PARD3B: variants seen among roughly 807,000 people sequenced by gnomAD.
PARD3B encodes partitioning defective 3 homolog B.
Under a neutral mutation model 130.2 loss-of-function variants are expected in PARD3B, and 103 were observed. The ratio of observed to expected loss-of-function variants is 0.79; its 90% confidence interval spans 0.67 to 0.93. PARD3B has a LOEUF of 0.93. PARD3B is among the 40% of genes least tolerant of loss of function. The probability of loss-of-function intolerance (pLI) is 0.00; values close to 1 mark genes in which losing one functional copy is unlikely to be tolerated. For missense variants in PARD3B, 1,609 were observed against 1,499.2 expected (o/e 1.07, Z -1.21); for synonymous variants, 583 against 553.2 (o/e 1.05, Z -0.76).
At chr2:205,450,125 T>A (rs1242556635) in intron 20 of PARD3B, among the ~76,000 whole-genome samples, 1 of 152,202 alleles carries the variant, frequency 6.6e-6, no homozygotes, top group Non-Finnish European at 1.5e-5. Flanking sequence ...ATCATTTCAG[T>A]GTTAGGCTCA....
At position 204,890,132 on chromosome 2, in the gene PARD3B, G is replaced by A. The variant is rs1246026468; in HGVS notation, c.223-75020G>A. On this transcript the variant is annotated intron_variant, in intron 2 of 22. Transcript: ENST00000406610. This position sits in a 1 kb window ranked among gnomAD's most constrained non-coding sequence, Gnocchi z 4.9. ...CTGCTTTGCCTTCTCCGCCTTCTCC[G>A]CATGCCAGCAGGAGCACTCACCACA... 2.0e-5 allele frequency among the ~76,000 whole-genome samples: 3 copies of A among 152,146 alleles called. No individual in the cohort carries two copies. The highest frequency in any genetic ancestry group is 4.1e-4 in the South Asian group (2 of 4,834).
chr2:205,189,619 G>A (rs1044493040), intron 14 of PARD3B, among the ~76,000 whole-genome samples: 2 of 152,124 alleles, frequency 1.3e-5, no homozygotes, highest in African/African-American at 4.8e-5. Context: ...TAATCATTGT[G>A]TCACCCTCTT....
At chr2:205,523,468 T>C (rs2051184888) in intron 21 of PARD3B, among the ~76,000 whole-genome samples, 1 of 151,876 alleles carries the variant, frequency 6.6e-6, no homozygotes, top group Non-Finnish European at 1.5e-5. Flanking sequence ...GGTCGTACCA[T>C]ATTTTCTTTG....
chr2:205,093,449 A>G (rs1702227298), intron 4 of PARD3B, among the ~76,000 whole-genome samples: 1 of 152,110 alleles, frequency 6.6e-6, no homozygotes, highest in Admixed American at 6.6e-5. Context: ...ACATGGCATG[A>G]AAGTGGCACT....
intron 2 of PARD3B, among the ~76,000 whole-genome samples, chr2:204,821,696 TAATA>T (rs2043362406): frequency 6.6e-6 from 1 of 150,664 alleles, no homozygotes; most frequent in South Asian, 2.1e-4. Context: ...AGTATAATAA[TAATA>T]AAATAAAAAA....
intron 2 of PARD3B, among the ~76,000 whole-genome samples, chr2:204,723,282 A>C (rs1001359597): frequency 6.6e-6 from 1 of 152,162 alleles, no homozygotes; most frequent in African/African-American, 2.4e-5. Flanking sequence ...AATGAAATTG[A>C]TACATTTATG....
intron 1 of PARD3B, among the ~76,000 whole-genome samples, chr2:204,595,002 ATCATGGG>A (rs2033225134): frequency 6.6e-6 from 1 of 152,184 alleles, no homozygotes; most frequent in South Asian, 2.1e-4. Context: ...GTTCCTTAGC[ATCATGGG>A]TCTACTTTAT....
At chr2:204,933,440 G>A (rs982176526) in intron 2 of PARD3B, among the ~76,000 whole-genome samples, 1 of 152,132 alleles carries the variant, frequency 6.6e-6, no homozygotes, top group Non-Finnish European at 1.5e-5. Context: ...CTAATGAAGT[G>A]TGGCTTTATT....
intron 19 of PARD3B, among the ~76,000 whole-genome samples, chr2:205,427,452 T>C (rs1195054126): frequency 6.6e-6 from 1 of 152,366 alleles, no homozygotes; most frequent in East Asian, 1.9e-4. Flanking sequence ...GAAAGATATC[T>C]AAAGAAATTG....
At position 205,473,431 on chromosome 2, in the gene PARD3B, T is replaced by C. The variant is rs1413740161; in HGVS notation, c.3045-26465T>C. ...ACATCTTGTCTCAGCCCATTGTGTCTAAATGTTAACTCTCTTATTAAGCTC... is the reference window on the plus strand; with the variant it reads ...ACATCTTGTCTCAGCCCATTGTGTCCAAATGTTAACTCTCTTATTAAGCTC... On this transcript the variant is annotated intron_variant, in intron 20 of 22. Transcript: ENST00000406610. This position sits in a 1 kb window ranked among gnomAD's most constrained non-coding sequence, Gnocchi z 4.9. 6.6e-6 allele frequency among the ~76,000 whole-genome samples: 1 copy of C among 152,050 alleles called. No individual in the cohort carries two copies. The highest frequency in any genetic ancestry group is 2.4e-5 in the African/African-American group (1 of 41,442).
chr2:204,782,475 ATATAT>A (rs1328660519), intron 2 of PARD3B, among the ~76,000 whole-genome samples: 2 of 150,816 alleles, frequency 1.3e-5, no homozygotes, highest in South Asian at 2.1e-4. Context: ...TACACATTAC[ATATAT>A]TATGTAATAT....
intron 3 of PARD3B, among the ~76,000 whole-genome samples, chr2:204,987,971 A>G (rs1693314857): frequency 6.6e-6 from 1 of 152,142 alleles, no homozygotes; most frequent in Admixed American, 6.6e-5. Flanking sequence ...AATGAAAAAT[A>G]GACTTCAGGG....
At chr2:205,606,985 A>G (rs1397373106) in intron 22 of PARD3B, among the ~76,000 whole-genome samples, 2 of 152,074 alleles carry the variant, frequency 1.3e-5, no homozygotes, top group East Asian at 3.9e-4. Context: ...TGTGTTATTC[A>G]ATAAAGACTC....
chr2:204,987,878 G>T (rs2125231312), intron 3 of PARD3B, among the ~76,000 whole-genome samples: 1 of 152,194 alleles, frequency 6.6e-6, no homozygotes, highest in South Asian at 2.1e-4. Flanking sequence ...TCATGGGTTT[G>T]TCACTCTGTT....
At chr2:205,216,970 G>T (rs1292574733) in intron 15 of PARD3B, among the ~76,000 whole-genome samples, 1 of 152,004 alleles carries the variant, frequency 6.6e-6, no homozygotes, top group Non-Finnish European at 1.5e-5. Context: ...ATTTGTCACT[G>T]TGGAGTGTAC....
In PARD3B at chr2:205,187,464, AG is replaced by A. The variant is rs1355633083; in HGVS notation, c.2024+1603del. On this transcript the variant is annotated intron_variant, in intron 14 of 22. Transcript: ENST00000406610. This position sits in a 1 kb window ranked among gnomAD's most constrained non-coding sequence, Gnocchi z 4.9. ...ATAACATGGATTGGGTGAATGGAAG[AG>A]GTTTGATATCCCCTGGAAGCCAGGA... Among the ~76,000 whole-genome samples the A allele has an allele frequency of 1.3e-5, 2 of 152,162 alleles. No homozygotes were observed. The highest frequency in any genetic ancestry group is 4.8e-5 in the African/African-American group (2 of 41,448).
chr2:204,962,513 A>C (rs11901858), intron 2 of PARD3B, among the ~76,000 whole-genome samples: 1,571 of 152,260 alleles, frequency 0.01, 25 homozygotes, highest in African/African-American at 0.036. Flanking sequence ...GGCCATTTCC[A>C]TGCACTAGAT....
intron 2 of PARD3B, among the ~76,000 whole-genome samples, chr2:204,864,086 T>A (rs2125633670): frequency 6.6e-6 from 1 of 152,296 alleles, no homozygotes; most frequent in African/African-American, 2.4e-5. Context: ...TGATTGCCAA[T>A]AGACTGTTTC....
intron 19 of PARD3B, among the ~76,000 whole-genome samples, chr2:205,426,013 A>C (rs1291022361): frequency 6.6e-6 from 1 of 152,162 alleles, no homozygotes; most frequent in African/African-American, 2.4e-5. Flanking sequence ...TATTTATATC[A>C]AGAAAAGTGA....
Sources: allele counts gnomAD v4.1 joint callset (sites outside exome capture counted in the v4.1 genomes callset), GRCh38; gene constraint gnomAD v4.1.1; non-coding constraint Gnocchi (gnomAD v3.1); transcripts MANE v1.5; gene names NCBI Gene and HGNC (gene_info 2026-07-23, HGNC 2026-07-21).